ARHGAP10: variants seen among roughly 807,000 people sequenced by gnomAD.
The protein encoded by ARHGAP10 is rho GTPase-activating protein 10.
A neutral mutation model predicts 108.6 loss-of-function variants in ARHGAP10; 87 were observed. The ratio of observed to expected loss-of-function variants is 0.80; its 90% CI spans 0.67 to 0.96. ARHGAP10 has a LOEUF of 0.96. Ranked by LOEUF, ARHGAP10 falls within the 40% of genes least tolerant of loss-of-function variation. The probability of loss-of-function intolerance (pLI) is 0.00; values close to 1 mark genes in which losing one functional copy is unlikely to be tolerated. For missense variants in ARHGAP10, 939 were observed against 954.5 expected (o/e 0.98, Z 0.21); for synonymous variants, 347 against 341.1 (o/e 1.02, Z -0.19).
intron 1 of ARHGAP10, among the ~76,000 whole-genome samples, chr4:147,780,124 T>C (rs1314504425): frequency 6.6e-6 from 1 of 152,242 alleles, no homozygotes; most frequent in East Asian, 1.9e-4. Context: ...GTGCTCATTG[T>C]AGAAAAGTTG....
At chr4:148,030,198 C>G (rs1366902750) in intron 19 of ARHGAP10, among the ~76,000 whole-genome samples, 1 of 152,108 alleles carries the variant, frequency 6.6e-6, no homozygotes, top group East Asian at 1.9e-4. Context: ...GCAGGTAACT[C>G]AGATTTATAG....
intron 1 of ARHGAP10, among the ~76,000 whole-genome samples, chr4:147,777,118 ACTGTTTTAAGGTGCATATG>A (rs1226795881): frequency 1.3e-5 from 2 of 152,132 alleles, no homozygotes; most frequent in African/African-American, 4.8e-5. Flanking sequence ...TTAATGTTAA[ACTGTTTTAAGGTGCATATG>A]CATGATTTGC....
At chr4:147,978,801 T>G (rs939406374) in intron 18 of ARHGAP10, among the ~76,000 whole-genome samples, 1 of 152,216 alleles carries the variant, frequency 6.6e-6, no homozygotes, top group Non-Finnish European at 1.5e-5. Flanking sequence ...TTTGCATTTC[T>G]CTGAAGATTA....
intron 7 of ARHGAP10, among the ~76,000 whole-genome samples, chr4:147,867,260 CT>C (rs1721320971): frequency 6.6e-6 from 1 of 152,236 alleles, no homozygotes; most frequent in Admixed American, 6.5e-5. Flanking sequence ...TGCTATTGGT[CT>C]TGAATATTTT....
intron 19 of ARHGAP10, among the ~76,000 whole-genome samples, chr4:148,030,118 A>G (rs756135388): frequency 6.7e-6 from 1 of 149,798 alleles, no homozygotes; most frequent in Non-Finnish European, 1.5e-5. Context: ...TGGAGGAGGA[A>G]AAAAAAAAAG....
intron 1 of ARHGAP10, among the ~76,000 whole-genome samples, chr4:147,808,231 G>A (rs374666538): frequency 5.9e-5 from 9 of 152,220 alleles, no homozygotes; most frequent in African/African-American, 2.2e-4. Flanking sequence ...TTCTTATGCA[G>A]GTTGTATGTG....
At chr4:147,982,766 C>A (rs1739866628) in intron 18 of ARHGAP10, among the ~76,000 whole-genome samples, 1 of 151,764 alleles carries the variant, frequency 6.6e-6, no homozygotes, top group South Asian at 2.1e-4. Flanking sequence ...GAATTTTATC[C>A]CCAAATATGT....
At chr4:147,906,546 T>TAAAA in intron 10 of ARHGAP10, 92 bp from the exon 11 acceptor site, 1 of 864,246 alleles carries the variant, frequency 1.2e-6, no homozygotes, top group Non-Finnish European at 1.8e-6. Flanking sequence ...CAGATAAAAG[T>TAAAA]AAAAAAAAAA....
chr4:147,859,236 T>C (rs1734217201), intron 5 of ARHGAP10, among the ~76,000 whole-genome samples: 1 of 152,158 alleles, frequency 6.6e-6, no homozygotes, highest in Non-Finnish European at 1.5e-5. Flanking sequence ...TTATTTAGAA[T>C]GTCCCCTTTA....
intron 10 of ARHGAP10, among the ~76,000 whole-genome samples, chr4:147,898,387 A>G (rs1414279791): frequency 6.6e-6 from 1 of 151,748 alleles, no homozygotes; most frequent in Non-Finnish European, 1.5e-5. Flanking sequence ...TTTTCTTATC[A>G]GTCTCTCCTC....
intron 3 of ARHGAP10, among the ~76,000 whole-genome samples, chr4:147,834,589 G>T (rs547141801): frequency 1.4e-4 from 21 of 152,202 alleles, no homozygotes; most frequent in African/African-American, 4.8e-4. Flanking sequence ...TTGTTTGAAT[G>T]TCCCAAGCCT....
intron 1 of ARHGAP10, among the ~76,000 whole-genome samples, chr4:147,735,369 G>T (rs751800738): frequency 2.6e-4 from 39 of 152,286 alleles, no homozygotes; most frequent in Middle Eastern, 3.4e-3. Context: ...CAGGGACAAG[G>T]GTTTGTATGT....
intron 18 of ARHGAP10, among the ~76,000 whole-genome samples, chr4:148,019,461 T>C (rs1382948233): frequency 6.6e-6 from 1 of 152,140 alleles, no homozygotes. Flanking sequence ...AAGAAATAAG[T>C]CTGGCCCGGC....
chr4:147,959,201 A>G (rs1738896037), intron 16 of ARHGAP10, among the ~76,000 whole-genome samples: 1 of 151,324 alleles, frequency 6.6e-6, no homozygotes, highest in South Asian at 2.1e-4. Context: ...CAAGATAGAG[A>G]AAAAAATGGT....
At chr4:147,795,954 A>G (rs1348891639) in intron 1 of ARHGAP10, among the ~76,000 whole-genome samples, 1 of 152,080 alleles carries the variant, frequency 6.6e-6, no homozygotes, top group Non-Finnish European at 1.5e-5. Flanking sequence ...CGGCCTCTCA[A>G]AGTGCTGGGA....
chr4:148,063,740 C>T (rs944273320), intron 21 of ARHGAP10, among the ~76,000 whole-genome samples: 1 of 152,200 alleles, frequency 6.6e-6, no homozygotes, highest in East Asian at 1.9e-4. Flanking sequence ...GGCTCAGGTG[C>T]TTCTTCCTGT....
chr4:147,985,397 C>T (rs1287579196), intron 18 of ARHGAP10, among the ~76,000 whole-genome samples: 3 of 152,130 alleles, frequency 2.0e-5, no homozygotes, highest in Non-Finnish European at 4.4e-5. Context: ...GGAGAGGAGG[C>T]TGGGCACCCA....
chr4:147,779,703 A>T (rs562591461), intron 1 of ARHGAP10, among the ~76,000 whole-genome samples: 97 of 152,216 alleles, frequency 6.4e-4, no homozygotes, highest in African/African-American at 1.1e-3. Flanking sequence ...TTACTTTAAA[A>T]CTGAGTTTAA....
chr4:147,833,627 GCTTA>G (rs1466440052), intron 3 of ARHGAP10, among the ~76,000 whole-genome samples: 1 of 152,182 alleles, frequency 6.6e-6, no homozygotes, highest in African/African-American at 2.4e-5. Flanking sequence ...AAAGTAGTTT[GCTTA>G]CTTCTTTATG....
Sources: gnomAD v4.1 joint callset for allele counts (sites outside exome capture counted in the v4.1 genomes callset) on GRCh38, gnomAD v4.1.1 for gene constraint, MANE v1.5 for transcripts, NCBI Gene and HGNC (gene_info 2026-07-23, HGNC 2026-07-21) for gene names.